The following RCSD1 variants were observed in gnomAD, a reference collection of about 807,000 sequenced individuals.
The protein encoded by RCSD1 is RCSD domain containing 1.
Under a neutral mutation model 42.5 loss-of-function variants are expected in RCSD1, and 26 were observed. That is an observed-to-expected ratio of 0.61 (90% CI 0.45 to 0.85). RCSD1 has a LOEUF of 0.85. Ranked by LOEUF, RCSD1 falls within the 40% of genes least tolerant of loss-of-function variation. RCSD1 has a pLI of 0.00. For synonymous variants in RCSD1, 220 were observed against 212.2 expected (o/e 1.04, Z -0.32); for missense variants, 571 against 528.3 (o/e 1.08, Z -0.79).
At chr1:167,666,599 A>G (rs896145912) in intron 1 of RCSD1, among the ~76,000 whole-genome samples, 2 of 152,128 alleles carry the variant, frequency 1.3e-5, no homozygotes, top group Non-Finnish European at 2.9e-5. Flanking sequence ...AAGCCCTGGA[A>G]TGCTTTCCGT....
rs530059921 is a variant in RCSD1, at chr1:167,667,423, A to G, written c.7-16477A>G. 2.6e-5 allele frequency among the ~76,000 whole-genome samples: 4 copies of G among 152,292 alleles called. No individual in the cohort carries two copies. In the South Asian group the frequency reaches 8.3e-4, roughly 32 times the overall value. ...TGCATTATAACTTTCTTTTCTTCAA[A>G]TTTTCTCCTTGCTGAAATGGATCTG... On this transcript the variant is annotated intron_variant, in intron 1 of 6. Coordinates refer to ENST00000367854, the MANE Select transcript of RCSD1 (RefSeq NM_052862.4).
chr1:167,644,053 C>T (rs563739286), intron 1 of RCSD1, among the ~76,000 whole-genome samples: 2 of 152,126 alleles, frequency 1.3e-5, no homozygotes, highest in African/African-American at 4.8e-5. Context: ...AATGCTGGAA[C>T]AGTATCCCAC....
chr1:167,699,093 C>T (rs1276155741), intron 6 of RCSD1, among the ~76,000 whole-genome samples: 2 of 152,082 alleles, frequency 1.3e-5, no homozygotes, highest in South Asian at 2.1e-4. Context: ...CCACCGCGCC[C>T]GGCCTTACAG....
rs1659717639 is a variant in RCSD1, at chr1:167,704,741, T to C, written c.*45T>C. On this transcript the variant is annotated 3_prime_UTR_variant, in exon 7 of 7. Transcript: ENST00000367854. ...CAGTGATGAAGTTGCTGGACACATC[T>C]CTTTGCAGGTAGCAGCAACAGTTGT... is the stretch of plus-strand genomic sequence containing the variant. 1 of 1,585,132 alleles carries C rather than the reference T, an allele frequency of 6.3e-7. No homozygotes were observed. Among genetic ancestry groups the C allele is most frequent in the South Asian group, 1.1e-5 (1 of 89,876 alleles).
rs1459077320 is a variant in RCSD1 at position 167,697,379 on chromosome 1, A to G, written c.755A>G (p.Asp252Gly). Residue 252 changes from aspartate to glycine, a missense_variant, in exon 6 of 7, where the codon GAC (aspartate) becomes GGC (glycine). Transcript: ENST00000367854. ...AGCAGGACAGAGAAGCAGGAGGAGG[A>G]CAGGGCCACAGAGGAAGCCAAGAAC... Reference protein sequence around the residue: ...SPSRTEKQEEDRATEEAKNGE... With the variant: ...SPSRTEKQEEGRATEEAKNGE... 6.2e-7 allele frequency: 1 copy of G among 1,613,772 alleles called. No homozygotes were observed. The highest frequency in any genetic ancestry group is 8.5e-7 in the Non-Finnish European group (1 of 1,179,916).
At chr1:167,633,102 G>A (rs954420720) in intron 1 of RCSD1, among the ~76,000 whole-genome samples, 5 of 152,182 alleles carry the variant, frequency 3.3e-5, no homozygotes, top group African/African-American at 9.7e-5. Flanking sequence ...TAAAGCTCAC[G>A]TATTATTGGA....
chr1:167,681,912 C>T (rs1659091452), intron 1 of RCSD1, among the ~76,000 whole-genome samples: 1 of 152,182 alleles, frequency 6.6e-6, no homozygotes, highest in South Asian at 2.1e-4. Context: ...GGAGCCCCTC[C>T]CAGTGGGGAA....
At chr1:167,677,551 A>G (rs1163327234) in intron 1 of RCSD1, among the ~76,000 whole-genome samples, 2 of 152,250 alleles carry the variant, frequency 1.3e-5, no homozygotes, top group South Asian at 2.1e-4. Context: ...AGAAATTTTT[A>G]AAAGGTGTGG....
Position 167,706,612 on chromosome 1 carries a change from C to T in RCSD1, c.*1916C>T, listed in dbSNP as rs997456555. Among the ~76,000 whole-genome samples the T allele has an allele frequency of 2.6e-5, 4 of 152,046 alleles. No individual in the cohort carries two copies. Among genetic ancestry groups the T allele is most frequent in the Admixed American group, 6.6e-5 (1 of 15,264 alleles). On this transcript the variant is annotated 3_prime_UTR_variant, in exon 7 of 7. Transcript: ENST00000367854. The stretch of plus-strand genomic sequence containing the variant: ...TAAAAATGACAAGAATGTGACATTG[C>T]GGCACCATGCTTGTGGGCATCAGAA...
In RCSD1 at chr1:167,655,068, C is replaced by A. The variant is rs185302199; in HGVS notation, c.6+24639C>A. ...TTGAGAAGGCTGTGGAGGAAGAGTACAAGGGCCTCTTGTTTCCGAAGCTGG... is the reference window on the plus strand; with the variant it reads ...TTGAGAAGGCTGTGGAGGAAGAGTAAAAGGGCCTCTTGTTTCCGAAGCTGG... On this transcript the variant is annotated intron_variant, in intron 1 of 6. Transcript: ENST00000367854. Among the ~76,000 whole-genome samples the A allele has an allele frequency of 2.4e-4, 37 of 152,234 alleles. No homozygotes were observed. In the East Asian group the frequency reaches 6.6e-3, roughly 27 times the overall value.
At chr1:167,632,559 T>C (rs1272260467) in intron 1 of RCSD1, among the ~76,000 whole-genome samples, 1 of 151,964 alleles carries the variant, frequency 6.6e-6, no homozygotes, top group African/African-American at 2.4e-5. Context: ...CCCTCCCTTA[T>C]TGAGATGTGT....
intron 1 of RCSD1, among the ~76,000 whole-genome samples, chr1:167,651,602 T>G (rs1159810734): frequency 1.3e-5 from 2 of 152,224 alleles, no homozygotes; most frequent in Non-Finnish European, 2.9e-5. Context: ...GGTGTCTTCC[T>G]GCCCTTCTAT....
chr1:167,676,702 G>A (rs1187813160), intron 1 of RCSD1, among the ~76,000 whole-genome samples: 2 of 152,120 alleles, frequency 1.3e-5, no homozygotes, highest in African/African-American at 2.4e-5. Flanking sequence ...TGGCACCTGG[G>A]AATTTGCCCA....
At chr1:167,643,549 C>T (rs530298221) in intron 1 of RCSD1, among the ~76,000 whole-genome samples, 1 of 152,348 alleles carries the variant, frequency 6.6e-6, no homozygotes, top group African/African-American at 2.4e-5. Flanking sequence ...GTATATTCAA[C>T]ACATCCTGTG....
At chr1:167,688,814 C>T (rs1659303634) in intron 3 of RCSD1, among the ~76,000 whole-genome samples, 1 of 152,172 alleles carries the variant, frequency 6.6e-6, no homozygotes, top group African/African-American at 2.4e-5. Context: ...GGTCAAGGAG[C>T]AGGTCATACA....
intron 1 of RCSD1, chr1:167,638,543 C>T (rs1427134677): frequency 2.0e-5 from 3 of 152,298 alleles, no homozygotes; most frequent in African/African-American, 7.2e-5. Flanking sequence ...CCCCACAGCA[C>T]CTGTGTGGGC....
At position 167,705,859 on chromosome 1, in the gene RCSD1, C is replaced by T. The variant is rs1444140513; in HGVS notation, c.*1163C>T. On this transcript the variant is annotated 3_prime_UTR_variant, in exon 7 of 7. Coordinates refer to ENST00000367854, the MANE Select transcript of RCSD1 (RefSeq NM_052862.4). ...GTCTTTGACTTGTATCCTCTCCCCT[C>T]TTCATACACTCCTGCTGAAAAATGT... is the stretch of plus-strand genomic sequence containing the variant. The T allele has an allele frequency of 6.6e-6, 1 of 152,180 alleles. No homozygotes were observed. Among genetic ancestry groups the T allele is most frequent in the Non-Finnish European group, 1.5e-5 (1 of 68,034 alleles). 9.4% of individuals were successfully genotyped at this position (152,180 alleles called of 1,614,324 possible). A position where few individuals can be genotyped will look rare whatever the true frequency, so the allele number is the denominator to read the frequency against.
intron 1 of RCSD1, among the ~76,000 whole-genome samples, chr1:167,654,666 G>C (rs1395275354): frequency 6.6e-6 from 1 of 152,150 alleles, no homozygotes; most frequent in Non-Finnish European, 1.5e-5. Flanking sequence ...GAAAAGTCAT[G>C]ATGAGACTTA....
At chr1:167,686,438 T>C (rs1335287278) in intron 3 of RCSD1, among the ~76,000 whole-genome samples, 3 of 152,134 alleles carry the variant, frequency 2.0e-5, no homozygotes, top group Non-Finnish European at 4.4e-5. Flanking sequence ...ACAGCTGAAA[T>C]AGATCAATGG....
Sources: gnomAD v4.1 joint callset for allele counts (sites outside exome capture counted in the v4.1 genomes callset) on GRCh38, gnomAD v4.1.1 for gene constraint, MANE v1.5 for transcripts, NCBI Gene and HGNC (gene_info 2026-07-23, HGNC 2026-07-21) for gene names.